Variants in PRKN observed in about 807,000 individuals in gnomAD.
PRKN encodes parkin RBR E3 ubiquitin protein ligase.
In PRKN, 56 loss-of-function variants were observed where a neutral mutation model predicts 59.5. The ratio of observed to expected loss-of-function variants is 0.94; its 90% CI spans 0.76 to 1.18. The LOEUF (loss-of-function observed/expected upper bound fraction) is 1.18, where lower values mean the gene tolerates loss of function less well. Ranked by LOEUF, PRKN falls within the 50% of genes most tolerant of loss-of-function variation. The pLI is 0.00. For missense variants in PRKN, 657 were observed against 596.4 expected, an observed-to-expected ratio of 1.10 and a Z score of -1.06; for synonymous variants, 250 against 222.1, an observed-to-expected ratio of 1.13 and a Z score of -1.12.
At chr6:161,654,316 G>A (rs75220233) in intron 7 of PRKN, among the ~76,000 whole-genome samples, 2,647 of 152,232 alleles carry the variant, frequency 0.017, 91 homozygotes, top group African/African-American at 0.061. Context: ...TACCCGTGTG[G>A]CTACTGTGAA....
chr6:162,057,361 G>T (rs1380468943), intron 4 of PRKN, among the ~76,000 whole-genome samples: 6 of 152,178 alleles, frequency 3.9e-5, no homozygotes, highest in Non-Finnish European at 7.3e-5. Context: ...GAAATGTGAG[G>T]ACTTGGAAGG....
intron 9 of PRKN, among the ~76,000 whole-genome samples, chr6:161,508,702 T>G (rs1472942579): frequency 6.6e-6 from 1 of 152,212 alleles, no homozygotes; most frequent in Non-Finnish European, 1.5e-5. Flanking sequence ...TTTAATCATT[T>G]TAATAATTTT....
chr6:162,335,194 CTT>C (rs200467030), intron 2 of PRKN, among the ~76,000 whole-genome samples: 7 of 143,928 alleles, frequency 4.9e-5, no homozygotes, highest in Admixed American at 1.4e-4. Context: ...TTTTCTTTTT[CTT>C]TTTTTTTTTT....
intron 5 of PRKN, among the ~76,000 whole-genome samples, chr6:161,995,802 T>C (rs1340558554): frequency 2.6e-5 from 4 of 152,124 alleles, no homozygotes; most frequent in African/African-American, 9.7e-5. Context: ...TACACTGTTG[T>C]AACCTGTAAA....
intron 6 of PRKN, among the ~76,000 whole-genome samples, chr6:161,801,690 C>T (rs1296656983): frequency 2.0e-5 from 3 of 152,088 alleles, no homozygotes; most frequent in East Asian, 1.9e-4. Context: ...TTTAACCTTC[C>T]ATCTCACACC....
chr6:161,868,670 T>A (rs1794221397), intron 6 of PRKN, among the ~76,000 whole-genome samples: 1 of 152,198 alleles, frequency 6.6e-6, no homozygotes, highest in South Asian at 2.1e-4. Context: ...AGCACAATCT[T>A]TAGGCCTCTT....
chr6:162,474,378 G>C (rs1791901807), intron 1 of PRKN, among the ~76,000 whole-genome samples: 1 of 151,884 alleles, frequency 6.6e-6, no homozygotes, highest in African/African-American at 2.4e-5. Context: ...AAATATATTT[G>C]AATGCTTTTT....
chr6:161,637,266 G>A (rs1783558891), intron 7 of PRKN, among the ~76,000 whole-genome samples: 1 of 152,178 alleles, frequency 6.6e-6, no homozygotes, highest in South Asian at 2.1e-4. Flanking sequence ...TGTACTAGGT[G>A]TGACTTGGGA....
chr6:162,145,057 AG>A (rs139026382), intron 4 of PRKN, among the ~76,000 whole-genome samples: 7,131 of 152,272 alleles, frequency 0.047, 212 homozygotes, highest in African/African-American at 0.076. Flanking sequence ...ATTTCCAAAG[AG>A]GAAAAATCCC....
chr6:161,399,715 T>A lies in PRKN; in HGVS notation c.1084-12838A>T, dbSNP rs1786936712. Among the ~76,000 whole-genome samples the A allele has an allele frequency of 6.6e-6, 1 of 152,158 alleles. No individual in the cohort carries two copies. The highest frequency in any genetic ancestry group is 1.5e-5 in the Non-Finnish European group (1 of 68,034). On this transcript the variant is annotated intron_variant, in intron 9 of 11. Transcript: ENST00000366898. The surrounding 1 kb of genome is among the most constrained non-coding windows in gnomAD (Gnocchi z 4.4). Reference sequence around the variant, plus strand: ...AAAGTACCAATCCCAGTGCTAGGGATGATGCCAGCATTCTAGTGTAATTCA... The same window carrying A: ...AAAGTACCAATCCCAGTGCTAGGGAAGATGCCAGCATTCTAGTGTAATTCA...
chr6:161,851,314 T>G (rs1793424522), intron 6 of PRKN, among the ~76,000 whole-genome samples: 1 of 152,190 alleles, frequency 6.6e-6, no homozygotes, highest in African/African-American at 2.4e-5. Context: ...CCCCATGATC[T>G]TGGACTTCCA....
intron 1 of PRKN, among the ~76,000 whole-genome samples, chr6:162,650,020 T>G (rs531280565): frequency 3.3e-5 from 5 of 152,222 alleles, no homozygotes; most frequent in Non-Finnish European, 7.3e-5. Flanking sequence ...AAGGCTATAA[T>G]TTAGAGCACG....
chr6:162,543,835 A>G (rs755752842), intron 1 of PRKN, among the ~76,000 whole-genome samples: 1 of 152,132 alleles, frequency 6.6e-6, no homozygotes, highest in Non-Finnish European at 1.5e-5. Context: ...TTGGAAAGCT[A>G]AACAAACAAA....
chr6:162,303,370 G>A (rs2128114574), intron 2 of PRKN, among the ~76,000 whole-genome samples: 1 of 152,238 alleles, frequency 6.6e-6, no homozygotes, highest in East Asian at 1.9e-4. Flanking sequence ...TTTCAGGCAA[G>A]CCAATGTTCT....
chr6:162,177,577 T>C (rs1250567702), intron 4 of PRKN, among the ~76,000 whole-genome samples: 1 of 152,068 alleles, frequency 6.6e-6, no homozygotes, highest in African/African-American at 2.4e-5. Context: ...TTCCACCAGG[T>C]GTGTGTCAAA....
chr6:162,578,493 A>T (rs2128210579), intron 1 of PRKN, among the ~76,000 whole-genome samples: 1 of 152,330 alleles, frequency 6.6e-6, no homozygotes, highest in South Asian at 2.1e-4. Flanking sequence ...AATATTTCTT[A>T]TAATAAAACA....
intron 7 of PRKN, among the ~76,000 whole-genome samples, chr6:161,740,849 C>T (rs959730168): frequency 2.6e-5 from 4 of 152,122 alleles, no homozygotes; most frequent in African/African-American, 7.2e-5. Flanking sequence ...ACAGTAGGCC[C>T]GTGTGGTGGA....
At chr6:161,706,688 G>C (rs1786514025) in intron 7 of PRKN, among the ~76,000 whole-genome samples, 1 of 152,148 alleles carries the variant, frequency 6.6e-6, no homozygotes. Flanking sequence ...CTCCTGAGGA[G>C]CTGGGATTAC....
At chr6:161,959,295 C>A (rs370347028) in intron 6 of PRKN, among the ~76,000 whole-genome samples, 1 of 152,146 alleles carries the variant, frequency 6.6e-6, no homozygotes, top group Non-Finnish European at 1.5e-5. Flanking sequence ...GGCAGCCGCA[C>A]CGAGAGGCTG....
Sources: allele counts gnomAD v4.1 joint callset (sites outside exome capture counted in the v4.1 genomes callset), GRCh38; gene constraint gnomAD v4.1.1; non-coding constraint Gnocchi (gnomAD v3.1); transcripts MANE v1.5; gene names NCBI Gene and HGNC (gene_info 2026-07-23, HGNC 2026-07-21).